GRIP1: variants seen among roughly 807,000 people sequenced by gnomAD.
The protein encoded by GRIP1 is glutamate receptor interacting protein 1.
In GRIP1, 45 loss-of-function variants were observed where a neutral mutation model predicts 129.9. The ratio of observed to expected loss-of-function variants is 0.35; its 90% confidence interval spans 0.27 to 0.44. The LOEUF (loss-of-function observed/expected upper bound fraction) is 0.44. Ranked by LOEUF, GRIP1 falls within the 20% of genes least tolerant of loss-of-function variation. GRIP1 has a pLI of 1.00. For missense variants in GRIP1, 1,196 were observed against 1,396.8 expected (o/e 0.86, Z 2.29); for synonymous variants, 530 against 520.8 (o/e 1.02, Z -0.24).
intron 3 of GRIP1, among the ~76,000 whole-genome samples, chr12:66,540,569 C>T (rs1220977635): frequency 1.3e-5 from 2 of 152,106 alleles, no homozygotes; most frequent in African/African-American, 4.8e-5. Flanking sequence ...TCCACACCAG[C>T]CTCCCTTACA....
At chr12:66,623,214 T>C (rs189441349) in intron 1 of GRIP1, among the ~76,000 whole-genome samples, 2 of 152,314 alleles carry the variant, frequency 1.3e-5, no homozygotes, top group South Asian at 2.1e-4. Flanking sequence ...CCTAAGTCTC[T>C]CTGCTTTTCT....
chr12:66,669,503 G>A (rs2033969479), intron 1 of GRIP1, among the ~76,000 whole-genome samples: 1 of 152,178 alleles, frequency 6.6e-6, no homozygotes, highest in Non-Finnish European at 1.5e-5. Context: ...GGTAAGTAAA[G>A]CATGGATACT....
At chr12:66,773,349 C>A (rs1372055443) in intron 1 of GRIP1, among the ~76,000 whole-genome samples, 9 of 151,982 alleles carry the variant, frequency 5.9e-5, no homozygotes, top group Admixed American at 5.9e-4. Flanking sequence ...GGGTATATAC[C>A]CAGTAATGGG....
intron 5 of GRIP1, among the ~76,000 whole-genome samples, chr12:66,521,673 G>T (rs887310578): frequency 1.4e-4 from 21 of 152,188 alleles, no homozygotes; most frequent in African/African-American, 5.1e-4. Context: ...TGGGTGCAGC[G>T]CACCGGGCGC....
chr12:66,381,908 C>A lies in GRIP1; in HGVS notation c.2465-2472G>T, dbSNP rs541609508. ...CAGAAAACCTGATCCCAGCTCTTCT[C>A]TAGTCCGTGCTACGCTGACCCAGAG... On this transcript the variant is annotated intron_variant, in intron 19 of 24. Transcript: ENST00000359742. 1.5e-3 allele frequency among the ~76,000 whole-genome samples: 227 copies of A among 152,346 alleles called. 1 individual carries two copies. Among genetic ancestry groups the A allele is most frequent in the Admixed American group, 2.1e-3 (32 of 15,308 alleles).
At chr12:66,524,037 T>C (rs1432766421) in intron 5 of GRIP1, among the ~76,000 whole-genome samples, 1 of 152,130 alleles carries the variant, frequency 6.6e-6, no homozygotes. Context: ...AGCAAGTCCT[T>C]AGTGACCTAC....
intron 1 of GRIP1, among the ~76,000 whole-genome samples, chr12:66,871,677 T>C (rs1217023017): frequency 6.6e-6 from 1 of 152,088 alleles, no homozygotes; most frequent in Non-Finnish European, 1.5e-5. Flanking sequence ...GGATGCCTAC[T>C]CCATGCTCAG....
chr12:66,461,194 T>A (rs1565763310), intron 9 of GRIP1, among the ~76,000 whole-genome samples: 1 of 122,508 alleles, frequency 8.2e-6, no homozygotes, highest in Non-Finnish European at 1.8e-5. Context: ...TGAAAACACT[T>A]GAATTATTTA....
chr12:66,776,683 G>A (rs1254032675), intron 1 of GRIP1, among the ~76,000 whole-genome samples: 3 of 152,180 alleles, frequency 2.0e-5, no homozygotes, highest in Non-Finnish European at 2.9e-5. Flanking sequence ...AGAAGAGGAA[G>A]AGCGGGGTAG....
intron 1 of GRIP1, among the ~76,000 whole-genome samples, chr12:66,713,363 T>G (rs2035770694): frequency 6.6e-6 from 1 of 151,972 alleles, no homozygotes; most frequent in South Asian, 2.1e-4. Flanking sequence ...TTAAGAATAG[T>G]GATAAGTACA....
chr12:66,692,925 C>T (rs918238687), intron 1 of GRIP1, among the ~76,000 whole-genome samples: 2 of 152,262 alleles, frequency 1.3e-5, no homozygotes. Context: ...CTGAGGAGTC[C>T]TGACCTAGAA....
chr12:66,677,695 T>C (rs866807313), intron 1 of GRIP1, among the ~76,000 whole-genome samples: 2 of 152,184 alleles, frequency 1.3e-5, no homozygotes, highest in Middle Eastern at 3.2e-3. Context: ...ATTCGGTAAG[T>C]TGGTCTACAG....
At chr12:66,453,007 T>C (rs2058851884) in intron 11 of GRIP1, among the ~76,000 whole-genome samples, 1 of 152,198 alleles carries the variant, frequency 6.6e-6, no homozygotes, top group Non-Finnish European at 1.5e-5. Flanking sequence ...TTCTGGTATG[T>C]TTATTGTGAG....
chr12:66,609,265 C>T (rs1205969707), intron 1 of GRIP1, among the ~76,000 whole-genome samples: 1 of 152,068 alleles, frequency 6.6e-6, no homozygotes, highest in Non-Finnish European at 1.5e-5. Context: ...TTGCACAACA[C>T]ACAATCATTA....
Position 67,066,952 on chromosome 12 carries a change from G to A in GRIP1, c.58+2098C>T, listed in dbSNP as rs542111063. Among the ~76,000 whole-genome samples the A allele has an allele frequency of 1.4e-3, 202 of 143,600 alleles. 1 individual carries two copies. In the South Asian group the frequency reaches 0.019, roughly 13 times the overall value. 94.2% of individuals were successfully genotyped at this position (143,600 alleles called of 152,430 possible). On this transcript the variant is annotated intron_variant, in intron 1 of 1. Transcript: ENST00000643019. ...CTGAAACACAAACACCAGTTAGACAGGAAATTGTGAAAGAAACAAAACCAT... is the reference window on the plus strand; with the variant it reads ...CTGAAACACAAACACCAGTTAGACAAGAAATTGTGAAAGAAACAAAACCAT...
At chr12:66,480,960 AGAAG>A (rs1194820333) in intron 7 of GRIP1, among the ~76,000 whole-genome samples, 1 of 152,232 alleles carries the variant, frequency 6.6e-6, no homozygotes, top group Admixed American at 6.5e-5. Context: ...TCAAAACTCT[AGAAG>A]AAAACCTAGG....
At chr12:66,760,042 G>A (rs2037423645) in intron 1 of GRIP1, among the ~76,000 whole-genome samples, 1 of 152,044 alleles carries the variant, frequency 6.6e-6, no homozygotes, top group East Asian at 1.9e-4. Context: ...TTTTAGTAGA[G>A]ATGGGGTTTC....
At chr12:66,627,138 A>G (rs2030171521) in intron 1 of GRIP1, among the ~76,000 whole-genome samples, 1 of 152,108 alleles carries the variant, frequency 6.6e-6, no homozygotes, top group Non-Finnish European at 1.5e-5. Flanking sequence ...GGTAGCTCAC[A>G]CTCACTTTAC....
chr12:66,429,518 G>C (rs1018278339), intron 14 of GRIP1, among the ~76,000 whole-genome samples: 1 of 151,892 alleles, frequency 6.6e-6, no homozygotes, highest in Non-Finnish European at 1.5e-5. Flanking sequence ...GCAACACAGT[G>C]AGACTTTATC....
Sources: gnomAD v4.1 joint callset for allele counts (sites outside exome capture counted in the v4.1 genomes callset) on GRCh38, gnomAD v4.1.1 for gene constraint, MANE v1.5 for transcripts, NCBI Gene and HGNC (gene_info 2026-07-23, HGNC 2026-07-21) for gene names.